The following PRMT1 variants were observed in gnomAD, a reference collection of about 807,000 sequenced individuals.
PRMT1 encodes the protein protein arginine N-methyltransferase 1.
In PRMT1, 5 loss-of-function variants were observed where a neutral mutation model predicts 47.4. The observed-to-expected ratio is 0.11, with a 90% CI of 0.06 to 0.22. The LOEUF (loss-of-function observed/expected upper bound fraction) is 0.22, where lower values mean the gene tolerates loss of function less well. Ranked by LOEUF, PRMT1 falls within the 10% of genes least tolerant of loss-of-function variation. PRMT1 has a pLI of 1.00. For synonymous variants in PRMT1, 227 were observed against 204.6 expected (o/e 1.11, Z -0.94); for missense variants, 249 against 518.4 (o/e 0.48, Z 5.05).
chr19:49,686,274 T>C (rs1235956631), intron 9 of PRMT1, 31 bp downstream of exon 9: 1 of 1,562,332 alleles, frequency 6.4e-7, no homozygotes, highest in Non-Finnish European at 8.7e-7. Context: ...CTGGGGGCCG[T>C]TCCCGAGCCA....
At position 49,677,275 on chromosome 19, in the gene PRMT1, G is replaced by A; in HGVS notation, c.-6G>A. Reference sequence around the variant, plus strand: ...GCGGCCGGAGGAGGAGTAGGTGCGGGTGAAGATGGCGGCAGCCGAGGCCGC... The same window carrying A: ...GCGGCCGGAGGAGGAGTAGGTGCGGATGAAGATGGCGGCAGCCGAGGCCGC... On this transcript the variant is annotated 5_prime_UTR_variant, in exon 1 of 11. It adds an upstream start codon to the 5' untranslated region. Transcript: ENST00000454376. The A allele has an allele frequency of 7.0e-7, 1 of 1,421,674 alleles. No individual in the cohort carries two copies. The highest frequency in any genetic ancestry group is 9.2e-7 in the Non-Finnish European group (1 of 1,084,548). The allele number at this position is 1,421,674 out of a possible 1,614,324, so 88.1% of individuals were successfully genotyped here.
chr19:49,677,305 T>A lies in PRMT1; in HGVS notation c.25T>A (p.Cys9Ser). MAAAEAAN[C>S]IMENFVATLA... Reference sequence around the variant, plus strand: ...GATGGCGGCAGCCGAGGCCGCGAACTGCATCATGGAGGTGAGCGCTTGGAG... The same window carrying A: ...GATGGCGGCAGCCGAGGCCGCGAACAGCATCATGGAGGTGAGCGCTTGGAG... The change falls in exon 1 of 11, where the codon TGC (cysteine) becomes AGC (serine). Residue 9 changes from cysteine (C) to serine (S), a missense_variant. By Grantham distance (112) the Cys-to-Ser change is moderately radical. Around this residue, in one of 2 missense-constraint regions of PRMT1, gnomAD observed 59 missense variants for 61.7 expected, o/e 0.96. Transcript: ENST00000454376. 7.1e-7 allele frequency: 1 copy of A among 1,404,818 alleles called. No homozygotes were observed. The highest frequency in any genetic ancestry group is 2.8e-5 in the East Asian group (1 of 36,224). The allele number at this position is 1,404,818 out of a possible 1,614,324, so 87.0% of individuals were successfully genotyped here.
At chr19:49,686,488 C>A in intron 9 of PRMT1, 117 bp from the exon 10 acceptor site, 1 of 1,271,768 alleles carries the variant, frequency 7.9e-7, no homozygotes, top group Non-Finnish European at 1.1e-6. Context: ...AGGGAGGTGA[C>A]TCGCGGATAG....
intron 4 of PRMT1, 38 bp downstream of exon 4, chr19:49,682,103 G>A (rs2082127352): frequency 1.2e-6 from 2 of 1,613,686 alleles, no homozygotes; most frequent in African/African-American, 2.7e-5. Context: ...CCGGGCCTGA[G>A]GGATGGAGGG....
Position 49,685,994 on chromosome 19 carries a change from G to A in PRMT1, c.760-99G>A. 2 of 1,525,044 alleles carry A rather than the reference G, an allele frequency of 1.3e-6. No individual in the cohort carries two copies. Among genetic ancestry groups the A allele is most frequent in the Non-Finnish European group, 1.8e-6 (2 of 1,140,988 alleles). 94.5% of individuals were successfully genotyped at this position (1,525,044 alleles called of 1,614,324 possible). ...AGTGAGGGAGGGCTAGCAGGAAGGG[G>A]ACAGCGAGGTCACAGGCCCTCTGGG... On this transcript the variant is annotated intron_variant, in intron 8 of 10. Transcript: ENST00000454376. This position sits in a 1 kb window ranked among gnomAD's most constrained non-coding sequence, Gnocchi z 4.7.
At chr19:49,679,239 T>C (rs1303571946) in intron 1 of PRMT1, among the ~76,000 whole-genome samples, 1 of 152,124 alleles carries the variant, frequency 6.6e-6, no homozygotes, top group Non-Finnish European at 1.5e-5. Context: ...CCATCTTCCC[T>C]GGGACCCTAC....
intron 10 of PRMT1, among the ~76,000 whole-genome samples, chr19:49,687,669 G>A (rs949915832): frequency 2.0e-5 from 3 of 152,068 alleles, no homozygotes; most frequent in Non-Finnish European, 4.4e-5. Context: ...TGCAGCCCCC[G>A]GGACCACGGC....
chr19:49,682,362 C>A, intron 5 of PRMT1, 103 bp downstream of exon 5: 1 of 1,237,800 alleles, frequency 8.1e-7, no homozygotes, highest in South Asian at 1.3e-5. Context: ...ACCACAGATT[C>A]AGCAGCTCCC....
chr19:49,685,560 C>T lies in PRMT1; in HGVS notation c.759+523C>T, dbSNP rs371318371. The T allele has an allele frequency of 1.2e-5, 12 of 1,015,024 alleles. No individual in the cohort carries two copies. The Admixed American group carries it at 1.6e-4, about 14-fold the overall frequency. 62.9% of individuals were successfully genotyped at this position (1,015,024 alleles called of 1,614,324 possible). On this transcript the variant is annotated intron_variant, in intron 8 of 10. Transcript: ENST00000454376. This position sits in a 1 kb window ranked among gnomAD's most constrained non-coding sequence, Gnocchi z 4.7. ...AGACCCTGTTTAAAAAAAAAAAATA[C>T]GGCGATGAGTATTTGTTGAGCTGGG... is the stretch of plus-strand genomic sequence containing the variant.
At chr19:49,676,431 CAAAG>C (rs2082039727), upstream of PRMT1, 1 of 151,970 alleles carries the variant, frequency 6.6e-6, no homozygotes, top group East Asian at 1.9e-4. Context: ...GCTGACCAGA[CAAAG>C]AGAGGTGGGC....
chr19:49,678,940 A>G (rs1188186556), intron 1 of PRMT1, among the ~76,000 whole-genome samples: 5 of 149,370 alleles, frequency 3.3e-5, no homozygotes, highest in African/African-American at 1.2e-4. Context: ...CTGGAGTGCA[A>G]TGGCTTGATC....
chr19:49,682,334 C>CTCTTCAG, intron 5 of PRMT1, 75 bp downstream of exon 5: 3 of 1,488,492 alleles, frequency 2.0e-6, no homozygotes, highest in Non-Finnish European at 2.8e-6. Flanking sequence ...CTCTGAAGAG[C>CTCTTCAG]AGTGGGGTCT....
rs1175453001 is a variant in PRMT1, at chr19:49,681,865, G to A, written c.193-45G>A. On this transcript the variant is annotated intron_variant, in intron 3 of 10. Coordinates refer to ENST00000454376, the MANE Select transcript of PRMT1 (RefSeq NM_001536.6). This position sits in a 1 kb window ranked among gnomAD's most constrained non-coding sequence, Gnocchi z 4.4. ...TCAGGACACGCTGTTCTCCAGCTGG[G>A]GATATGGGGCCCCTCACGGCGTCTC... The A allele has an allele frequency of 3.2e-6, 5 of 1,583,622 alleles. No individual in the cohort carries two copies. The highest frequency in any genetic ancestry group is 4.3e-6 in the Non-Finnish European group (5 of 1,160,340).
rs1199849138 is a variant in PRMT1 at position 49,684,749 on chromosome 19, T to G, written c.556-5T>G. 6.4e-7 allele frequency: 1 copy of G among 1,552,454 alleles called. No individual in the cohort carries two copies. Among genetic ancestry groups the G allele is most frequent in the Non-Finnish European group, 8.7e-7 (1 of 1,147,896 alleles). ...CCCTTCATGCCTCGCCCTGCCCCTC[T>G]GTAGGCGCCCGATGGCCTCATCTTC... On this transcript the variant is annotated splice_polypyrimidine_tract_variant and splice_region_variant and intron_variant, in intron 6 of 10. Coordinates refer to ENST00000454376, the MANE Select transcript of PRMT1 (RefSeq NM_001536.6). The surrounding 1 kb of genome is among the most constrained non-coding windows in gnomAD (Gnocchi z 6.2).
At chr19:49,686,510 G>A (rs2082206457) in intron 9 of PRMT1, 95 bp from the exon 10 acceptor site, 1 of 1,363,724 alleles carries the variant, frequency 7.3e-7, no homozygotes, top group Non-Finnish European at 9.9e-7. Flanking sequence ...AGTCCCATCA[G>A]CTGTCATGGG....
rs1294670961 is a variant in PRMT1 at position 49,686,154 on chromosome 19, A to C, written c.821A>C (p.Gln274Pro). ...DLTFTSPFCL[Q>P]VKRNDYVHAL... ...ACCTTCACCTCCCCGTTCTGCCTGC[A>C]AGTGAAGCGGAATGACTACGTGCAC... Residue 274 changes from glutamine (Q) to proline (P), a missense_variant, in exon 9 of 11, where the codon CAA becomes CCA. By Grantham distance (76) the Gln-to-Pro change is moderately conservative (BLOSUM62 -1). Transcript: ENST00000454376. 1 of 1,614,092 alleles carries C rather than the reference A, an allele frequency of 6.2e-7. No homozygotes were observed. Among genetic ancestry groups the C allele is most frequent in the East Asian group, 2.2e-5 (1 of 44,884 alleles).
At chr19:49,683,687 CAAAA>C (rs34880220) in intron 5 of PRMT1, 3,283 of 224,718 alleles carry the variant, frequency 0.015, 20 homozygotes, top group African/African-American at 0.05. Context: ...GACTCCGTCT[CAAAA>C]AAAAAAAAAA....
Position 49,681,315 on chromosome 19 carries a change from C to T in PRMT1, c.193-595C>T, listed in dbSNP as rs1329679014. The stretch of plus-strand genomic sequence containing the variant: ...CCTCCGGCTTTGGCCTCCTGAGGTG[C>T]TGGGATTACAGGCGTGAGCCACCGC... On this transcript the variant is annotated intron_variant, in intron 3 of 10. Transcript: ENST00000454376. The surrounding 1 kb of genome is among the most constrained non-coding windows in gnomAD (Gnocchi z 4.4). Among the ~76,000 whole-genome samples the T allele has an allele frequency of 6.6e-6, 1 of 152,080 alleles. No individual in the cohort carries two copies. Among genetic ancestry groups the T allele is most frequent in the Non-Finnish European group, 1.5e-5 (1 of 68,006 alleles).
Position 49,688,248 on chromosome 19 carries a change from C to T in PRMT1, c.*3C>T. On this transcript the variant is annotated 3_prime_UTR_variant, in exon 11 of 11. Coordinates refer to ENST00000454376, the MANE Select transcript of PRMT1 (RefSeq NM_001536.6). This position sits in a 1 kb window ranked among gnomAD's most constrained non-coding sequence, Gnocchi z 5.3. ...CCACCGACTACCGGATGCGCTGAGG[C>T]CCGGCTCTCCCGCCCTGCACGAGCC... The T allele has an allele frequency of 1.2e-6, 2 of 1,613,586 alleles. No homozygotes were observed. Among genetic ancestry groups the T allele is most frequent in the South Asian group, 1.1e-5 (1 of 91,080 alleles).
Sources: gnomAD v4.1 joint callset for allele counts (sites outside exome capture counted in the v4.1 genomes callset) on GRCh38, gnomAD v4.1.1 for gene constraint, gnomAD v4.1.1 regional missense constraint, Gnocchi (gnomAD v3.1) non-coding constraint, MANE v1.5 for transcripts, NCBI Gene and HGNC (gene_info 2026-07-23, HGNC 2026-07-21) for gene names.